The following PTPRG variants were observed in gnomAD, a reference collection of about 807,000 sequenced individuals.
The protein encoded by PTPRG is protein tyrosine phosphatase receptor type G, also known as receptor-type tyrosine-protein phosphatase gamma.
In PTPRG, 102 loss-of-function variants were observed where a neutral mutation model predicts 165.3. That is an observed-to-expected ratio of 0.62 (90% CI 0.53 to 0.73). PTPRG has a LOEUF of 0.73. Among genes scored for constraint, PTPRG ranks in the 30% least tolerant of loss-of-function variants. PTPRG has a pLI of 0.00. For missense variants in PTPRG, 1,866 were observed against 1,861.4 expected (o/e 1.00, Z -0.05); for synonymous variants, 675 against 669.5 (o/e 1.01, Z -0.13).
At chr3:61,952,765 C>A (rs1241755002) in intron 2 of PTPRG, among the ~76,000 whole-genome samples, 1 of 151,246 alleles carries the variant, frequency 6.6e-6, no homozygotes, top group Admixed American at 6.6e-5. Context: ...CTGTCTTCCT[C>A]CGTCTACAAT....
chr3:61,832,255 T>G (rs1376690987), intron 2 of PTPRG, among the ~76,000 whole-genome samples: 1 of 152,228 alleles, frequency 6.6e-6, no homozygotes, highest in East Asian at 1.9e-4. Context: ...TTCAAAATTA[T>G]TGGATTTGGA....
chr3:62,162,397 A>G (rs1023021053), intron 7 of PTPRG, among the ~76,000 whole-genome samples: 43 of 152,384 alleles, frequency 2.8e-4, no homozygotes, highest in African/African-American at 9.9e-4. Flanking sequence ...AGTCAATTTA[A>G]TATTATAGAA....
intron 2 of PTPRG, among the ~76,000 whole-genome samples, chr3:61,835,017 T>C (rs566307911): frequency 6.6e-6 from 1 of 152,216 alleles, no homozygotes; most frequent in African/African-American, 2.4e-5. Context: ...CTTTTGGCTG[T>C]GTTTTCTATC....
intron 7 of PTPRG, among the ~76,000 whole-genome samples, chr3:62,160,098 A>G (rs1184447244): frequency 6.6e-6 from 1 of 151,576 alleles, no homozygotes; most frequent in East Asian, 1.9e-4. Context: ...TCGTTCTTCT[A>G]CTTCTCTACA....
chr3:61,961,126 C>T (rs2040143861), intron 2 of PTPRG, among the ~76,000 whole-genome samples: 1 of 152,162 alleles, frequency 6.6e-6, no homozygotes. Flanking sequence ...TCATCATTAT[C>T]TCCATCTCTC....
intron 5 of PTPRG, among the ~76,000 whole-genome samples, chr3:62,127,889 A>ATC (rs1375811986): frequency 6.6e-6 from 1 of 152,202 alleles, no homozygotes; most frequent in Non-Finnish European, 1.5e-5. Context: ...AGGTAAACAT[A>ATC]TCTCTAGAGA....
intron 10 of PTPRG, among the ~76,000 whole-genome samples, chr3:62,199,502 G>A (rs1228774617): frequency 6.6e-6 from 1 of 152,184 alleles, no homozygotes; most frequent in Non-Finnish European, 1.5e-5. Context: ...TGCCAATATC[G>A]TGAGTTTTCA....
At chr3:61,900,755 C>T (rs150846754) in intron 2 of PTPRG, among the ~76,000 whole-genome samples, 137 of 152,042 alleles carry the variant, frequency 9.0e-4, no homozygotes, top group South Asian at 2.1e-3. Context: ...ATTCAGAACA[C>T]ATAATTTTAG....
At chr3:62,110,173 T>A (rs1436217292) in intron 5 of PTPRG, among the ~76,000 whole-genome samples, 2 of 150,554 alleles carry the variant, frequency 1.3e-5, no homozygotes, top group African/African-American at 4.9e-5. Context: ...GTTACCTATC[T>A]TTTACTTGTC....
chr3:61,893,535 A>G (rs528896193), intron 2 of PTPRG, among the ~76,000 whole-genome samples: 2 of 152,214 alleles, frequency 1.3e-5, no homozygotes, highest in Non-Finnish European at 2.9e-5. Flanking sequence ...GCTATGGCGC[A>G]GCTGCCTCTG....
At chr3:62,030,869 A>T (rs1454938337) in intron 4 of PTPRG, among the ~76,000 whole-genome samples, 2 of 151,952 alleles carry the variant, frequency 1.3e-5, no homozygotes, top group Non-Finnish European at 2.9e-5. Context: ...ACTTAGACTG[A>T]CCCCCCACTG....
chr3:61,917,783 A>T (rs2038978579), intron 2 of PTPRG, among the ~76,000 whole-genome samples: 2 of 151,990 alleles, frequency 1.3e-5, no homozygotes, highest in Non-Finnish European at 2.9e-5. Flanking sequence ...AATACAAAAC[A>T]TTATCCGGGT....
intron 5 of PTPRG, among the ~76,000 whole-genome samples, chr3:62,109,457 G>T (rs9866408): frequency 6.6e-6 from 1 of 152,190 alleles, no homozygotes; most frequent in South Asian, 2.1e-4. Context: ...GTCTTGCAGT[G>T]TAGTTTGAAG....
intron 8 of PTPRG, among the ~76,000 whole-genome samples, chr3:62,176,920 G>C (rs1705447614): frequency 1.3e-5 from 2 of 152,072 alleles, no homozygotes; most frequent in African/African-American, 4.8e-5. Flanking sequence ...TCACTCCTTT[G>C]TGACCTTGCT....
chr3:62,126,940 A>G (rs764498470), intron 5 of PTPRG, among the ~76,000 whole-genome samples: 1 of 152,228 alleles, frequency 6.6e-6, no homozygotes, highest in Non-Finnish European at 1.5e-5. Flanking sequence ...CTAGAAAATG[A>G]TGTTGGAATG....
At chr3:61,698,917 G>A (rs953247629) in intron 1 of PTPRG, among the ~76,000 whole-genome samples, 1 of 151,974 alleles carries the variant, frequency 6.6e-6, no homozygotes, top group Non-Finnish European at 1.5e-5. Context: ...ACTATCGCAA[G>A]GACAAAAAAC....
intron 2 of PTPRG, among the ~76,000 whole-genome samples, chr3:61,945,804 G>A (rs2039745972): frequency 6.6e-6 from 1 of 152,106 alleles, no homozygotes; most frequent in African/African-American, 2.4e-5. Context: ...TGAGAACTCT[G>A]AATATAAAAT....
intron 26 of PTPRG, among the ~76,000 whole-genome samples, 161 bp downstream of exon 26, chr3:62,277,840 T>C (rs1035031868): frequency 2.0e-5 from 3 of 152,112 alleles, no homozygotes; most frequent in African/African-American, 7.2e-5. Context: ...CCTTTCATAG[T>C]CTCACAATAC....
At chr3:61,603,419 C>G (rs1575530976) in intron 1 of PTPRG, among the ~76,000 whole-genome samples, 1 of 152,162 alleles carries the variant, frequency 6.6e-6, no homozygotes, top group Non-Finnish European at 1.5e-5. Flanking sequence ...TGCCTTCTGC[C>G]ATGATTGAAA....
Sources: gnomAD v4.1 joint callset for allele counts (sites outside exome capture counted in the v4.1 genomes callset) on GRCh38, gnomAD v4.1.1 for gene constraint, MANE v1.5 for transcripts, NCBI Gene and HGNC (gene_info 2026-07-23, HGNC 2026-07-21) for gene names.